Variants in CSMD1 observed in about 807,000 individuals in gnomAD.
The protein encoded by CSMD1 is CUB and Sushi multiple domains 1.
In CSMD1, 213 loss-of-function variants were observed where a neutral mutation model predicts 417.5. The ratio of observed to expected loss-of-function variants is 0.51; its 90% CI spans 0.46 to 0.57. CSMD1 has a LOEUF of 0.57. Among genes scored for constraint, CSMD1 ranks in the 20% least tolerant of loss-of-function variants. CSMD1 has a pLI of 0.00. For missense variants in CSMD1, 6,923 were observed against 4,529.7 expected, an observed-to-expected ratio of 1.53 and a Z score of -15.17; for synonymous variants, 2,862 against 1,736.8, an observed-to-expected ratio of 1.65 and a Z score of -16.11.
chr8:4,060,800 G>A (rs547281376), intron 3 of CSMD1, among the ~76,000 whole-genome samples: 2 of 152,266 alleles, frequency 1.3e-5, no homozygotes, highest in South Asian at 4.1e-4. Context: ...TTAAAAAAAG[G>A]TAGGAATGGG....
Position 4,266,596 on chromosome 8 carries a change from C to G in CSMD1, c.415+153357G>C, listed in dbSNP as rs1475688120. 1.9e-5 allele frequency among the ~76,000 whole-genome samples: 2 copies of G among 104,588 alleles called. 1 individual carries two copies. Among genetic ancestry groups the G allele is most frequent in the Non-Finnish European group, 5.2e-5 (2 of 38,770 alleles). 68.6% of individuals were successfully genotyped at this position (104,588 alleles called of 152,430 possible). On this transcript the variant is annotated intron_variant, in intron 3 of 69. Transcript: ENST00000635120. ...AACAAGTACACCATACAGGTATGTC[C>G]CCACTAATGGCGTAAAGTGACCTGT... is the stretch of plus-strand genomic sequence containing the variant.
At chr8:4,520,753 T>A (rs982363933) in intron 2 of CSMD1, among the ~76,000 whole-genome samples, 5 of 152,224 alleles carry the variant, frequency 3.3e-5, no homozygotes, top group African/African-American at 1.2e-4. Flanking sequence ...TGAATTAAAT[T>A]TAATTTATGA....
chr8:4,426,505 A>G (rs1489403113), intron 2 of CSMD1, among the ~76,000 whole-genome samples: 1 of 147,780 alleles, frequency 6.8e-6, no homozygotes, highest in Non-Finnish European at 1.5e-5. Flanking sequence ...AAGTTTTTAT[A>G]TATTTTATAA....
At chr8:3,543,902 G>C (rs1173192028) in intron 10 of CSMD1, among the ~76,000 whole-genome samples, 2 of 152,162 alleles carry the variant, frequency 1.3e-5, no homozygotes, top group Admixed American at 6.5e-5. Context: ...AGGATGTGGA[G>C]GACCCTGAGA....
At chr8:4,982,597 C>T (rs758088812) in intron 1 of CSMD1, among the ~76,000 whole-genome samples, 3 of 152,126 alleles carry the variant, frequency 2.0e-5, no homozygotes, top group Admixed American at 6.5e-5. Flanking sequence ...AGGTTCTATT[C>T]TTAAAATATA....
chr8:3,039,418 T>A (rs551031829), intron 50 of CSMD1, among the ~76,000 whole-genome samples: 1 of 137,356 alleles, frequency 7.3e-6, no homozygotes, highest in Non-Finnish European at 1.5e-5. Context: ...CTTCTCTCCC[T>A]CCCTCCCTTC....
At chr8:4,504,854 T>A (rs1802440865) in intron 2 of CSMD1, among the ~76,000 whole-genome samples, 1 of 152,210 alleles carries the variant, frequency 6.6e-6, no homozygotes, top group Non-Finnish European at 1.5e-5. Context: ...GATATATATG[T>A]GCCATATTTT....
intron 17 of CSMD1, among the ~76,000 whole-genome samples, chr8:3,394,747 T>G (rs939648482): frequency 2.0e-5 from 3 of 152,166 alleles, no homozygotes; most frequent in African/African-American, 7.2e-5. Flanking sequence ...ACAACTCGAA[T>G]GGACATTTTA....
intron 4 of CSMD1, among the ~76,000 whole-genome samples, chr8:4,003,552 A>G (rs1340686965): frequency 2.0e-5 from 3 of 152,248 alleles, no homozygotes; most frequent in Admixed American, 1.3e-4. Context: ...AACACAGGTG[A>G]AGTTTCAATC....
chr8:3,810,277 T>C (rs1800992360), intron 5 of CSMD1, among the ~76,000 whole-genome samples: 1 of 152,104 alleles, frequency 6.6e-6, no homozygotes, highest in Non-Finnish European at 1.5e-5. Flanking sequence ...CATGTATTCC[T>C]GATGTTTCAC....
At chr8:4,373,613 G>A (rs1487909468) in intron 3 of CSMD1, among the ~76,000 whole-genome samples, 2 of 152,140 alleles carry the variant, frequency 1.3e-5, no homozygotes, top group Admixed American at 6.6e-5. Context: ...GGTGATTCAT[G>A]AACATAACTG....
intron 7 of CSMD1, among the ~76,000 whole-genome samples, chr8:3,651,875 C>T (rs1367030325): frequency 6.7e-6 from 1 of 150,264 alleles, no homozygotes; most frequent in East Asian, 2.0e-4. Flanking sequence ...GCACACTTAC[C>T]ACCATCAGAA....
chr8:4,383,100 C>G (rs928279668), intron 3 of CSMD1, among the ~76,000 whole-genome samples: 6 of 152,130 alleles, frequency 3.9e-5, no homozygotes, highest in Non-Finnish European at 8.8e-5. Context: ...CTATCATCCT[C>G]TATTATGGGC....
At chr8:3,982,382 T>C (rs925066332) in intron 5 of CSMD1, among the ~76,000 whole-genome samples, 1 of 151,684 alleles carries the variant, frequency 6.6e-6, no homozygotes, top group Non-Finnish European at 1.5e-5. Flanking sequence ...ACCTCCATGG[T>C]TGTTAGGAAA....
intron 3 of CSMD1, among the ~76,000 whole-genome samples, chr8:4,225,867 A>C (rs1801316916): frequency 6.6e-6 from 1 of 152,170 alleles, no homozygotes; most frequent in South Asian, 2.1e-4. Flanking sequence ...TTAACTGTGC[A>C]TATATTTGGA....
chr8:3,694,201 G>A (rs1288745496), intron 7 of CSMD1, among the ~76,000 whole-genome samples: 1 of 152,014 alleles, frequency 6.6e-6, no homozygotes. Flanking sequence ...TCCATAGATG[G>A]GGCAGGGACC....
At chr8:4,464,038 G>A (rs1037442507) in intron 2 of CSMD1, among the ~76,000 whole-genome samples, 5 of 151,234 alleles carry the variant, frequency 3.3e-5, no homozygotes, top group African/African-American at 7.3e-5. Context: ...TTCAGTTTAC[G>A]AATTAAAAAA....
chr8:3,097,541 G>C (rs576037729), intron 46 of CSMD1, among the ~76,000 whole-genome samples: 35 of 152,240 alleles, frequency 2.3e-4, no homozygotes, highest in Non-Finnish European at 4.3e-4. Flanking sequence ...CGTCGTTTCT[G>C]GTGCAATCAC....
At chr8:4,753,072 A>C (rs1223608145) in intron 1 of CSMD1, among the ~76,000 whole-genome samples, 1 of 152,142 alleles carries the variant, frequency 6.6e-6, no homozygotes, top group Non-Finnish European at 1.5e-5. Flanking sequence ...TTTAACCCTC[A>C]CACCATCCTT....
Sources: allele counts gnomAD v4.1 joint callset (sites outside exome capture counted in the v4.1 genomes callset), GRCh38; gene constraint gnomAD v4.1.1; transcripts MANE v1.5; gene names NCBI Gene and HGNC (gene_info 2026-07-23, HGNC 2026-07-21).